DSCAML1: variants seen among roughly 807,000 people sequenced by gnomAD.
The protein encoded by DSCAML1 is cell adhesion molecule DSCAML1.
A neutral mutation model predicts 200.5 loss-of-function variants in DSCAML1; 38 were observed. The observed-to-expected ratio is 0.19, with a 90% confidence interval of 0.15 to 0.25. The LOEUF is 0.25. Ranked by LOEUF, DSCAML1 falls within the 10% of genes least tolerant of loss-of-function variation. The probability of loss-of-function intolerance (pLI) is 1.00; values close to 1 mark genes in which losing one functional copy is unlikely to be tolerated. For missense variants in DSCAML1, 2,223 were observed against 2,858.8 expected (o/e 0.78, Z 5.07); for synonymous variants, 1,215 against 1,165.0 (o/e 1.04, Z -0.87).
rs758435369 is a variant in DSCAML1 at position 117,461,406 on chromosome 11, G to C, written c.3412+44C>G. The C allele has an allele frequency of 7.4e-6, 12 of 1,613,104 alleles. No homozygotes were observed. In the African/African-American group the frequency reaches 1.6e-4, roughly 22 times the overall value. On this transcript the variant is annotated intron_variant, in intron 18 of 32. Coordinates refer to ENST00000651296, the MANE Select transcript of DSCAML1 (RefSeq NM_020693.4). ...GCCTGGAAGCAGACTCCACTGACCT[G>C]CGCCTCTCCCCTGAGTCCCAGCCAT...
At chr11:117,530,574 C>T (rs1592701757) in intron 4 of DSCAML1, among the ~76,000 whole-genome samples, 2 of 152,208 alleles carry the variant, frequency 1.3e-5, no homozygotes, top group Admixed American at 1.3e-4. Flanking sequence ...TTACTCGGCA[C>T]CTCGTGTGTG....
chr11:117,627,031 C>T lies in DSCAML1; in HGVS notation c.512-94509G>A, dbSNP rs558628177. On this transcript the variant is annotated intron_variant, in intron 3 of 32. Transcript: ENST00000651296. ...CAGGAAGCTTAGCTGACATTTATGG[C>T]GGGAAGTTTTATTTCTGTGGTAAAT... Among the ~76,000 whole-genome samples, 24 of 152,272 alleles carry T rather than the reference C, an allele frequency of 1.6e-4. No homozygotes were observed. In the South Asian group the frequency reaches 3.7e-3, roughly 24 times the overall value.
Position 117,517,269 on chromosome 11 carries a change from T to C in DSCAML1, c.1511-530A>G, listed in dbSNP as rs148544976. ...CTTTCGTTCAACAAGTAAATGTGTA[T>C]TGTAGGCCCCTGGGAAGGAGCTGTG... On this transcript the variant is annotated intron_variant, in intron 7 of 32. Transcript: ENST00000651296. 7.4e-4 allele frequency among the ~76,000 whole-genome samples: 112 copies of C among 152,310 alleles called. 1 individual carries two copies. Among genetic ancestry groups the C allele is most frequent in the African/African-American group, 2.7e-3 (112 of 41,566 alleles).
At chr11:117,575,398 C>A (rs2050914228) in intron 3 of DSCAML1, among the ~76,000 whole-genome samples, 1 of 152,164 alleles carries the variant, frequency 6.6e-6, no homozygotes, top group East Asian at 1.9e-4. Flanking sequence ...CTGATAAGTT[C>A]CAACTGGTGG....
intron 3 of DSCAML1, among the ~76,000 whole-genome samples, chr11:117,662,087 C>T (rs889280512): frequency 1.3e-5 from 2 of 152,224 alleles, no homozygotes; most frequent in African/African-American, 4.8e-5. Context: ...GAGGAGCAGC[C>T]TCTCTCCTCT....
chr11:117,671,342 TC>T (rs1165077919), intron 3 of DSCAML1, among the ~76,000 whole-genome samples: 1 of 152,226 alleles, frequency 6.6e-6, no homozygotes, highest in African/African-American at 2.4e-5. Flanking sequence ...TTAAAGGGCC[TC>T]AGTCTCTTCC....
chr11:117,795,831 C>A (rs1399866962), intron 1 of DSCAML1, among the ~76,000 whole-genome samples: 1 of 152,208 alleles, frequency 6.6e-6, no homozygotes, highest in Non-Finnish European at 1.5e-5. Flanking sequence ...CGGGTGGCAA[C>A]CCTCCACTGG....
At chr11:117,569,719 C>A (rs1468818059) in intron 3 of DSCAML1, among the ~76,000 whole-genome samples, 5 of 152,184 alleles carry the variant, frequency 3.3e-5, no homozygotes, top group Admixed American at 6.5e-5. Context: ...CCTCTGCAGC[C>A]AGGTAGGCTT....
At chr11:117,450,839 C>A in intron 19 of DSCAML1, 151 bp from the exon 20 acceptor site, 2 of 854,430 alleles carry the variant, frequency 2.3e-6, no homozygotes, top group South Asian at 1.9e-5. Context: ...GAGGGTCCAT[C>A]CAGCATGGTA....
At chr11:117,468,961 C>T (rs760936183) in intron 16 of DSCAML1, among the ~76,000 whole-genome samples, 37 of 152,272 alleles carry the variant, frequency 2.4e-4, no homozygotes, top group Non-Finnish European at 4.4e-4. Flanking sequence ...AGGCAACCCC[C>T]GAGCCCCACT....
At chr11:117,714,862 C>A (rs2053921408) in intron 3 of DSCAML1, among the ~76,000 whole-genome samples, 1 of 150,094 alleles carries the variant, frequency 6.7e-6, no homozygotes, top group Non-Finnish European at 1.5e-5. Context: ...CCACACTTGC[C>A]CAAAGCCATG....
At chr11:117,570,183 C>T (rs991516991) in intron 3 of DSCAML1, among the ~76,000 whole-genome samples, 4 of 151,946 alleles carry the variant, frequency 2.6e-5, no homozygotes, top group Admixed American at 6.6e-5. Context: ...TCGGCTGGCG[C>T]GTCTCAGATG....
rs796441317 is a variant in DSCAML1 at position 117,780,298 on chromosome 11, AAGAAAG to A, written c.364+189_364+194del. Reference sequence around the variant, plus strand: ...AAAGAAAGAAAGAAAGAAAGAAAGAAAGAAAGAGAGAAAGGAGAAAGAAAGGTGTCT... The same window carrying A: ...AAAGAAAGAAAGAAAGAAAGAAAGAAAGAGAAAGGAGAAAGAAAGGTGTCT... On this transcript the variant is annotated intron_variant, in intron 2 of 32. Transcript: ENST00000651296. The surrounding 1 kb of genome is among the most constrained non-coding windows in gnomAD (Gnocchi z 4.8). Among the ~76,000 whole-genome samples the A allele has an allele frequency of 9.6e-3, 1,061 of 111,090 alleles. 67 individuals are homozygous for A. Among genetic ancestry groups the A allele is most frequent in the South Asian group, 0.014 (42 of 3,038 alleles). 72.9% of individuals were successfully genotyped at this position (111,090 alleles called of 152,430 possible).
In DSCAML1 at chr11:117,513,678, T is replaced by C. The variant is rs1025120504; in HGVS notation, c.1783+2789A>G. Among the ~76,000 whole-genome samples, 26 of 147,068 alleles carry C rather than the reference T, an allele frequency of 1.8e-4. 1 individual carries two copies. The highest frequency in any genetic ancestry group is 7.9e-4 in the East Asian group (4 of 5,046). On this transcript the variant is annotated intron_variant, in intron 8 of 32. Coordinates refer to ENST00000651296, the MANE Select transcript of DSCAML1 (RefSeq NM_020693.4). ...ATTGCTTGAAACCAGGAGGAGGAGG[T>C]TGTAGTGAGCTGAGATCACGCCACT...
chr11:117,575,984 G>C (rs543148525), intron 3 of DSCAML1, among the ~76,000 whole-genome samples: 21 of 152,224 alleles, frequency 1.4e-4, no homozygotes, highest in Non-Finnish European at 1.9e-4. Context: ...GAGGGTCCTG[G>C]ATGCTTGTCT....
At chr11:117,603,552 G>A (rs1429938085) in intron 3 of DSCAML1, among the ~76,000 whole-genome samples, 1 of 152,170 alleles carries the variant, frequency 6.6e-6, no homozygotes, top group South Asian at 2.1e-4. Flanking sequence ...TAGGGCACTT[G>A]CCTGACACAC....
At chr11:117,710,866 C>G (rs952879824) in intron 3 of DSCAML1, among the ~76,000 whole-genome samples, 1 of 152,148 alleles carries the variant, frequency 6.6e-6, no homozygotes, top group East Asian at 1.9e-4. Flanking sequence ...AGAACATACT[C>G]GAAAAGAAAG....
chr11:117,658,053 T>C (rs902327456), intron 3 of DSCAML1, among the ~76,000 whole-genome samples: 9 of 152,162 alleles, frequency 5.9e-5, no homozygotes, highest in African/African-American at 2.2e-4. Context: ...AGATGACTAC[T>C]TGAGAACAAT....
intron 3 of DSCAML1, among the ~76,000 whole-genome samples, chr11:117,650,265 C>T (rs1565850929): frequency 6.6e-6 from 1 of 152,236 alleles, no homozygotes; most frequent in Non-Finnish European, 1.5e-5. Flanking sequence ...GGCAGGACCT[C>T]AGCTAGAGAT....
Sources: allele counts gnomAD v4.1 joint callset (sites outside exome capture counted in the v4.1 genomes callset), GRCh38; gene constraint gnomAD v4.1.1; non-coding constraint Gnocchi (gnomAD v3.1); transcripts MANE v1.5; gene names NCBI Gene and HGNC (gene_info 2026-07-23, HGNC 2026-07-21).